The following UBAP2 variants were observed in gnomAD, a reference collection of about 807,000 sequenced individuals.
UBAP2 encodes the protein ubiquitin-associated protein 2.
A neutral mutation model predicts 139.6 loss-of-function variants in UBAP2; 75 were observed. The ratio of observed to expected loss-of-function variants is 0.54; its 90% CI spans 0.45 to 0.65. The LOEUF (loss-of-function observed/expected upper bound fraction) is 0.65. Among genes scored for constraint, UBAP2 ranks in the 30% least tolerant of loss-of-function variants. UBAP2 has a pLI of 0.00. For synonymous variants in UBAP2, 526 were observed against 526.2 expected (o/e 1.00, Z 0.01); for missense variants, 1,368 against 1,369.6 (o/e 1.00, Z 0.02).
rs11374381 is a variant in UBAP2, at chr9:33,959,152, C to CAA, written c.798+1672_798+1673dup. On this transcript the variant is annotated intron_variant, in intron 10 of 28. Transcript: ENST00000379238. Reference sequence around the variant, plus strand: ...ACAGAGCGAGAGCAAGGCCCTGTCTCAAAAAAAAAAAAATTAAAGTACTTA... The same window carrying CAA: ...ACAGAGCGAGAGCAAGGCCCTGTCTCAAAAAAAAAAAAAAATTAAAGTACTTA... Among the ~76,000 whole-genome samples the CAA allele has an allele frequency of 6.4e-3, 892 of 138,790 alleles. 6 individuals carry two copies. The highest frequency in any genetic ancestry group is 0.021 in the African/African-American group (804 of 38,760). The allele number at this position is 138,790 out of a possible 152,430, so 91.1% of individuals were successfully genotyped here. A position where few individuals can be genotyped will look rare whatever the true frequency, so the allele number is the denominator to read the frequency against.
Position 33,981,102 on chromosome 9 carries a change from GGATATATATATA to G in UBAP2, c.520+5646_520+5657del, listed in dbSNP as rs1564044146. 6.0e-3 allele frequency among the ~76,000 whole-genome samples: 2 copies of G among 332 alleles called. 1 individual carries two copies. The highest frequency in any genetic ancestry group is 0.029 in the Non-Finnish European group (2 of 70). The allele number at this position is 332 out of a possible 152,430, so 0.2% of individuals were successfully genotyped here. A position where few individuals can be genotyped will look rare whatever the true frequency, so the allele number is the denominator to read the frequency against. ...ATATATATATATATATATATATTCT[GGATATATATATA>G]TATATATATATATATATATATATTC... On this transcript the variant is annotated intron_variant, in intron 6 of 28. Transcript: ENST00000379238.
chr9:34,029,603 T>C (rs907478090), intron 1 of UBAP2, among the ~76,000 whole-genome samples: 1 of 149,558 alleles, frequency 6.7e-6, no homozygotes, highest in Admixed American at 6.7e-5. Flanking sequence ...TGGGAGGCCA[T>C]GGTGGGAGGA....
intron 5 of UBAP2, among the ~76,000 whole-genome samples, chr9:33,988,680 CAGCCCAG>C (rs1388547708): frequency 1.3e-5 from 2 of 152,250 alleles, no homozygotes; most frequent in African/African-American, 2.4e-5. Flanking sequence ...CACCTGCCTA[CAGCCCAG>C]GTCAATGCTG....
intron 1 of UBAP2, among the ~76,000 whole-genome samples, chr9:34,033,226 A>C (rs1247776598): frequency 6.6e-6 from 1 of 152,178 alleles, no homozygotes; most frequent in East Asian, 1.9e-4. Context: ...AGTGTCTATC[A>C]ACAGGTGAAT....
chr9:33,958,078 C>T (rs1826717590), intron 10 of UBAP2, among the ~76,000 whole-genome samples: 1 of 152,096 alleles, frequency 6.6e-6, no homozygotes, highest in South Asian at 2.1e-4. Context: ...CCTCCCACCT[C>T]TACTTCCTAA....
chr9:33,927,556 G>A (rs1439230242), intron 20 of UBAP2, among the ~76,000 whole-genome samples: 2 of 152,126 alleles, frequency 1.3e-5, no homozygotes, highest in East Asian at 1.9e-4. Context: ...ATGTCAACTC[G>A]GCTCCAGGAA....
intron 20 of UBAP2, 85 bp downstream of exon 20, chr9:33,927,712 G>C (rs1191511029): frequency 6.9e-7 from 1 of 1,438,958 alleles, no homozygotes; most frequent in Non-Finnish European, 9.3e-7. Flanking sequence ...AGACTCTCCT[G>C]ACACCTGCAC....
At chr9:33,984,978 G>T (rs1384042963) in intron 6 of UBAP2, among the ~76,000 whole-genome samples, 2 of 152,148 alleles carry the variant, frequency 1.3e-5, no homozygotes, top group African/African-American at 4.8e-5. Context: ...TGCTGGTGAA[G>T]ATACAGGGAA....
At chr9:33,968,424 T>A (rs910889567) in intron 8 of UBAP2, 1 of 562,846 alleles carries the variant, frequency 1.8e-6, no homozygotes, top group South Asian at 1.4e-5. Flanking sequence ...AGGGCATACA[T>A]AGTCATGGCC....
At chr9:33,944,748 A>AT in intron 13 of UBAP2, 109 bp from the exon 14 acceptor site, 1 of 1,330,750 alleles carries the variant, frequency 7.5e-7, no homozygotes, top group Non-Finnish European at 1.0e-6. Flanking sequence ...TTCCAGTTGA[A>AT]TTTCTTAGGT....
chr9:34,043,463 A>G (rs1294182655), intron 1 of UBAP2, among the ~76,000 whole-genome samples: 1 of 152,128 alleles, frequency 6.6e-6, no homozygotes, highest in Non-Finnish European at 1.5e-5. Flanking sequence ...CACCACACCC[A>G]AACTATGCTG....
In UBAP2 at chr9:34,002,642, C is replaced by T. The variant is rs1822822091; in HGVS notation, c.100-3778G>A. On this transcript the variant is annotated intron_variant, in intron 2 of 28. Coordinates refer to ENST00000379238, the MANE Select transcript of UBAP2 (RefSeq NM_001370062.2). Reference sequence around the variant, plus strand: ...CCGCCCACCTCGGCCTCCCAAAGTGCTGGGATTACAGGTGTGAGCCACCCG... The same window carrying T: ...CCGCCCACCTCGGCCTCCCAAAGTGTTGGGATTACAGGTGTGAGCCACCCG... Among the ~76,000 whole-genome samples the T allele has an allele frequency of 2.0e-5, 3 of 152,190 alleles. No homozygotes were observed. In the South Asian group the frequency reaches 6.2e-4, roughly 32 times the overall value.
At chr9:33,999,973 A>T (rs955545074) in intron 2 of UBAP2, among the ~76,000 whole-genome samples, 1 of 150,968 alleles carries the variant, frequency 6.6e-6, no homozygotes, top group African/African-American at 2.4e-5. Context: ...TTTGAGATGG[A>T]GTCTCACTCT....
At chr9:33,938,101 A>T (rs117733169) in intron 16 of UBAP2, among the ~76,000 whole-genome samples, 11,957 of 151,820 alleles carry the variant, frequency 0.079, 669 homozygotes, top group Non-Finnish European at 0.12. Context: ...GGTTCAAGCC[A>T]TCCTCCCACC....
intron 10 of UBAP2, 138 bp downstream of exon 10, chr9:33,960,685 CAGA>C (rs1019451457): frequency 1.4e-6 from 1 of 721,300 alleles, no homozygotes; most frequent in Non-Finnish European, 2.3e-6. Flanking sequence ...GAGGCTGAGG[CAGA>C]AGAACTGCTT....
In UBAP2 at chr9:33,951,134, G is replaced by A. The variant is rs371321080; in HGVS notation, c.1056+2151C>T. The stretch of plus-strand genomic sequence containing the variant: ...TGATCCTCCCATGCCAGCCTCTCAA[G>A]TAGCTGGGATTACAGTAGCTATGAT... On this transcript the variant is annotated intron_variant, in intron 12 of 28. Coordinates refer to ENST00000379238, the MANE Select transcript of UBAP2 (RefSeq NM_001370062.2). Among the ~76,000 whole-genome samples, 64 of 151,542 alleles carry A rather than the reference G, an allele frequency of 4.2e-4. 1 individual carries two copies. The Middle Eastern group carries it at 0.027, about 64-fold the overall frequency.
At chr9:34,038,677 G>A (rs966545706) in intron 1 of UBAP2, among the ~76,000 whole-genome samples, 14 of 152,174 alleles carry the variant, frequency 9.2e-5, no homozygotes, top group African/African-American at 2.4e-4. Context: ...CCAAAGTGCC[G>A]AGATTGTAGC....
rs1186611524 is a variant in UBAP2 at position 34,017,107 on chromosome 9, C to G, written c.42G>C (p.Arg14=). 4 of 1,612,402 alleles carry G rather than the reference C, an allele frequency of 2.5e-6. No individual in the cohort carries two copies. The change falls in exon 2 of 29, where the codon CGG becomes CGC. Residue 14 remains arginine (R), a synonymous_variant. Transcript: ENST00000379238. ...GTGCTGCTGAAATCTGTGGTTTTTC[C>G]CGAGCACCTCGACAATGGTCACTGC... ...SVSSDHCRGA[R]EKPQISAAQS...
chr9:33,973,266 AAAT>A, intron 6 of UBAP2, 29 bp from the exon 7 acceptor site: 1 of 1,604,524 alleles, frequency 6.2e-7, no homozygotes, highest in Non-Finnish European at 8.5e-7. Flanking sequence ...TTATAGTATA[AAAT>A]AATACTTATG....
Sources: gnomAD v4.1 joint callset for allele counts (sites outside exome capture counted in the v4.1 genomes callset) on GRCh38, gnomAD v4.1.1 for gene constraint, MANE v1.5 for transcripts, NCBI Gene and HGNC (gene_info 2026-07-23, HGNC 2026-07-21) for gene names.